The following HOXB3 variants were observed in gnomAD, a reference collection of about 807,000 sequenced individuals.
HOXB3 encodes homeobox B3.
Under a neutral mutation model 29.2 loss-of-function variants are expected in HOXB3, and 17 were observed. That is an observed-to-expected ratio of 0.58 (90% CI 0.40 to 0.87). The LOEUF (loss-of-function observed/expected upper bound fraction) is 0.87, where lower values mean the gene tolerates loss of function less well. HOXB3 is among the 40% of genes least tolerant of loss of function. HOXB3 has a pLI of 0.00. For missense variants in HOXB3, 637 were observed against 616.3 expected (o/e 1.03, Z -0.35); for synonymous variants, 317 against 285.9 (o/e 1.11, Z -1.10).
chr17:48,560,793 G>A (rs373324557), intron 2 of HOXB3, among the ~76,000 whole-genome samples: 75 of 152,290 alleles, frequency 4.9e-4, no homozygotes, highest in Non-Finnish European at 8.8e-4. Flanking sequence ...CCCTGTGTGT[G>A]CTTCCTCCCA....
intron 1 of HOXB3, among the ~76,000 whole-genome samples, chr17:48,586,168 A>C: frequency 6.6e-6 from 1 of 152,216 alleles, no homozygotes; most frequent in Admixed American, 6.5e-5. Flanking sequence ...TTTTCTCTCC[A>C]AGAGGAACTT....
chr17:48,585,174 C>G (rs909299884), intron 1 of HOXB3, among the ~76,000 whole-genome samples: 1 of 152,102 alleles, frequency 6.6e-6, no homozygotes, highest in African/African-American at 2.4e-5. Context: ...TTAAATAACT[C>G]CTTGGAAAAA....
intron 1 of HOXB3, chr17:48,577,067 C>G (rs370288251): frequency 6.7e-7 from 1 of 1,500,764 alleles, no homozygotes; most frequent in Non-Finnish European, 8.9e-7. Context: ...TTATTGCCCC[C>G]GAAAGAGAGA....
Position 48,554,569 on chromosome 17 carries a change from T to C in HOXB3, c.-159+962A>G, listed in dbSNP as rs2144758582. The C allele has an allele frequency of 4.3e-6, 3 of 697,052 alleles. No individual in the cohort carries two copies. The highest frequency in any genetic ancestry group is 2.0e-5 in the Admixed American group (1 of 49,768). The allele number at this position is 697,052 out of a possible 1,614,324, so 43.2% of individuals were successfully genotyped here. ...CACCCGGGTAGTCCCTGGCTGCTGCTGCCAGGCTGCCTCAGCCGGTCGCTG... is the reference window on the plus strand; with the variant it reads ...CACCCGGGTAGTCCCTGGCTGCTGCCGCCAGGCTGCCTCAGCCGGTCGCTG... On this transcript the variant is annotated intron_variant, in intron 3 of 4. Coordinates refer to ENST00000498678, the MANE Select transcript of HOXB3 (RefSeq NM_001384749.1). The surrounding 1 kb of genome is among the most constrained non-coding windows in gnomAD (Gnocchi z 4.1).
chr17:48,559,172 G>A (rs1016278357), intron 2 of HOXB3, among the ~76,000 whole-genome samples: 1 of 152,014 alleles, frequency 6.6e-6, no homozygotes, highest in Non-Finnish European at 1.5e-5. Context: ...AGTATCAGGC[G>A]ACGGGAGCAC....
chr17:48,575,010 TAAAG>T (rs1426745797), intron 1 of HOXB3: 1 of 152,180 alleles, frequency 6.6e-6, no homozygotes, highest in Non-Finnish European at 1.5e-5. Context: ...TTATACTCAT[TAAAG>T]CCTTAAACAC....
chr17:48,558,786 A>G (rs2069091308), intron 2 of HOXB3, among the ~76,000 whole-genome samples: 1 of 152,078 alleles, frequency 6.6e-6, no homozygotes, highest in South Asian at 2.1e-4. Flanking sequence ...CTGGGAAAAG[A>G]GAAGCAGGAG....
chr17:48,584,951 C>T (rs1323563838), intron 1 of HOXB3, among the ~76,000 whole-genome samples: 2 of 149,484 alleles, frequency 1.3e-5, no homozygotes, highest in East Asian at 2.0e-4. Flanking sequence ...CTAGTCGCCT[C>T]CGCCGCTCCC....
At chr17:48,578,863 T>A (rs1395961859) in intron 1 of HOXB3, 5 of 152,928 alleles carry the variant, frequency 3.3e-5, no homozygotes, top group Non-Finnish European at 7.3e-5. Flanking sequence ...ACTGGCGGGT[T>A]GGGGGCTCCG....
rs1490806561 is a variant in HOXB3, at chr17:48,550,707, T to C, written c.923A>G (p.Tyr308Cys). 16 of 1,544,358 alleles carry C rather than the reference T, an allele frequency of 1.0e-5. No homozygotes were observed. The highest frequency in any genetic ancestry group is 1.4e-5 in the Non-Finnish European group (16 of 1,144,648). The change falls in exon 5 of 5, where the codon TAC becomes TGC. Residue 308 changes from tyrosine to cysteine, a missense_variant. Coordinates refer to ENST00000498678, the MANE Select transcript of HOXB3 (RefSeq NM_001384749.1). The stretch of plus-strand genomic sequence containing the variant: ...GCCGCAGCCTTTGAGAGGGGGCTGG[T>C]AGTTGGAGGGCAGCGCGTAGGCATT... ...HQNAYALPSN[Y>C]QPPLKGCGAP...
chr17:48,552,768 A>G (rs1296979581), intron 3 of HOXB3, 136 bp from the exon 4 acceptor site: 3 of 371,984 alleles, frequency 8.1e-6, no homozygotes, highest in East Asian at 4.1e-5. Context: ...AGATGCTGAG[A>G]AAAAAAAGCC....
At chr17:48,566,930 A>G (rs1327217895) in intron 2 of HOXB3, among the ~76,000 whole-genome samples, 1 of 152,218 alleles carries the variant, frequency 6.6e-6, no homozygotes, top group African/African-American at 2.4e-5. Context: ...TGGGTGGGGA[A>G]TGAGACTGAA....
chr17:48,583,483 C>G (rs1215774846), intron 1 of HOXB3, among the ~76,000 whole-genome samples: 1 of 152,180 alleles, frequency 6.6e-6, no homozygotes, highest in Non-Finnish European at 1.5e-5. Flanking sequence ...TAGGGTCCTG[C>G]AGAGGTGGGT....
rs202211147 is a variant in HOXB3 at position 48,576,731 on chromosome 17, G to A, written c.-424-2717C>T. 494 of 1,514,196 alleles carry A rather than the reference G, an allele frequency of 3.3e-4. No homozygotes were observed. In the African/African-American group the frequency reaches 6.0e-3, roughly 18 times the overall value. The allele number at this position is 1,514,196 out of a possible 1,614,324, so 93.8% of individuals were successfully genotyped here. A position where few individuals can be genotyped will look rare whatever the true frequency, so the allele number is the denominator to read the frequency against. Reference sequence around the variant, plus strand: ...CCCGCGTGCGGGGGCACTAGAGCGCGCGGGGGCCTCCATTGGGCCGGCCAG... The same window carrying A: ...CCCGCGTGCGGGGGCACTAGAGCGCACGGGGGCCTCCATTGGGCCGGCCAG... On this transcript the variant is annotated intron_variant, in intron 1 of 4. Transcript: ENST00000498678.
intron 2 of HOXB3, among the ~76,000 whole-genome samples, chr17:48,571,031 AAAAG>A (rs1456906633): frequency 6.6e-6 from 1 of 152,216 alleles, no homozygotes; most frequent in African/African-American, 2.4e-5. Context: ...AAGGACAAGA[AAAAG>A]AACAGCAAAA....
intron 1 of HOXB3, chr17:48,576,478 G>T (rs1434966714): frequency 1.8e-5 from 7 of 391,740 alleles, no homozygotes; most frequent in Non-Finnish European, 2.7e-5. Flanking sequence ...TTTTTTTTAA[G>T]AAAGAAAGCA....
chr17:48,570,119 C>T (rs1386524941), intron 2 of HOXB3, among the ~76,000 whole-genome samples: 1 of 152,110 alleles, frequency 6.6e-6, no homozygotes, highest in Non-Finnish European at 1.5e-5. Context: ...GCCCCAGGAT[C>T]CCTATTTCCC....
At chr17:48,562,716 G>A (rs2069241969) in intron 2 of HOXB3, among the ~76,000 whole-genome samples, 1 of 152,182 alleles carries the variant, frequency 6.6e-6, no homozygotes, top group African/African-American at 2.4e-5. Flanking sequence ...TTGGTGCGGG[G>A]CCCAAGTGTC....
chr17:48,577,481 AAAAT>A (rs2069805060), intron 1 of HOXB3, among the ~76,000 whole-genome samples: 3 of 152,290 alleles, frequency 2.0e-5, no homozygotes, highest in Middle Eastern at 3.4e-3. Flanking sequence ...AAGAAAGGAA[AAAAT>A]AAATACTGGG....
Sources: allele counts gnomAD v4.1 joint callset (sites outside exome capture counted in the v4.1 genomes callset), GRCh38; gene constraint gnomAD v4.1.1; non-coding constraint Gnocchi (gnomAD v3.1); transcripts MANE v1.5; gene names NCBI Gene and HGNC (gene_info 2026-07-23, HGNC 2026-07-21).